Variants in RBFOX3 observed in about 807,000 individuals in gnomAD.
RBFOX3 encodes the protein RNA binding fox-1 homolog 3.
In RBFOX3, 17 loss-of-function variants were observed where a neutral mutation model predicts 48.7. That is an observed-to-expected ratio of 0.35 (90% CI 0.24 to 0.52). The LOEUF is 0.52. RBFOX3 is among the 20% of genes least tolerant of loss of function. RBFOX3 has a pLI of 0.94. For missense variants in RBFOX3, 382 were observed against 497.5 expected, an observed-to-expected ratio of 0.77 and a Z score of 2.21; for synonymous variants, 212 against 209.5, an observed-to-expected ratio of 1.01 and a Z score of -0.10.
intron 4 of RBFOX3, among the ~76,000 whole-genome samples, chr17:79,176,178 G>A (rs898153523): frequency 6.6e-6 from 1 of 152,216 alleles, no homozygotes; most frequent in African/African-American, 2.4e-5. Context: ...CCTCTTCTGT[G>A]GATTCCCTGA....
rs2147133403 is a variant in RBFOX3 at position 79,356,315 on chromosome 17, A to T, written c.-174-48491T>A. On this transcript the variant is annotated intron_variant, in intron 2 of 14. Transcript: ENST00000693108. Reference sequence around the variant, plus strand: ...GCAATGCCAAGGTACCTCTGCCGTGAGGCACGTACTTTTTCACTTTTAAAA... The same window carrying T: ...GCAATGCCAAGGTACCTCTGCCGTGTGGCACGTACTTTTTCACTTTTAAAA... Among the ~76,000 whole-genome samples the T allele has an allele frequency of 1.5e-5, 2 of 130,162 alleles. 1 individual carries two copies. Among genetic ancestry groups the T allele is most frequent in the East Asian group, 4.9e-4 (2 of 4,120 alleles). The allele number at this position is 130,162 out of a possible 152,430, so 85.4% of individuals were successfully genotyped here. A position where few individuals can be genotyped will look rare whatever the true frequency, so the allele number is the denominator to read the frequency against.
chr17:79,095,646 G>A (rs962112333), intron 12 of RBFOX3, 72 bp from the exon 13 acceptor site: 2 of 1,357,290 alleles, frequency 1.5e-6, no homozygotes, highest in Non-Finnish European at 2.1e-6. Context: ...TGAGTGGGGA[G>A]AGGAGACAGA....
At chr17:79,419,369 A>G (rs1418714030) in intron 2 of RBFOX3, among the ~76,000 whole-genome samples, 1 of 152,186 alleles carries the variant, frequency 6.6e-6, no homozygotes, top group African/African-American at 2.4e-5. Flanking sequence ...AGATGAGCCA[A>G]CGCCTCACCA....
intron 3 of RBFOX3, among the ~76,000 whole-genome samples, chr17:79,297,587 C>T (rs2074603697): frequency 6.6e-6 from 1 of 152,256 alleles, no homozygotes; most frequent in South Asian, 2.1e-4. Context: ...GGAAATCTGG[C>T]CCAGTGCCTG....
chr17:79,096,131 G>C (rs1465120271), intron 12 of RBFOX3, among the ~76,000 whole-genome samples: 1 of 152,240 alleles, frequency 6.6e-6, no homozygotes, highest in African/African-American at 2.4e-5. Context: ...GCCCAGGACT[G>C]AAGGGTGGCT....
intron 3 of RBFOX3, among the ~76,000 whole-genome samples, chr17:79,304,835 A>G (rs2075872128): frequency 1.3e-5 from 2 of 152,168 alleles, no homozygotes; most frequent in South Asian, 2.1e-4. Context: ...GTTGGGTTAT[A>G]TGAGGGAGAG....
intron 2 of RBFOX3, among the ~76,000 whole-genome samples, chr17:79,440,311 T>C (rs1303761119): frequency 3.3e-5 from 5 of 152,182 alleles, no homozygotes; most frequent in Non-Finnish European, 5.9e-5. Context: ...AGGGCATTTT[T>C]GAAAATGGTG....
chr17:79,265,368 C>T (rs950159920), intron 3 of RBFOX3, among the ~76,000 whole-genome samples: 6 of 152,152 alleles, frequency 3.9e-5, no homozygotes, highest in African/African-American at 1.4e-4. Flanking sequence ...TCCCGCTTAA[C>T]GAGGGTTTCA....
rs1253706669 is a variant in RBFOX3 at position 79,093,397 on chromosome 17, C to T, written c.1077+1054G>A. On this transcript the variant is annotated intron_variant, in intron 14 of 14. Coordinates refer to ENST00000693108, the MANE Select transcript of RBFOX3 (RefSeq NM_001350451.2). ...AAAACACAAGAGGGAACCCTCCGTGCGTTAATGAAAGCTTTTAGCTTGCAG... is the reference window on the plus strand; with the variant it reads ...AAAACACAAGAGGGAACCCTCCGTGTGTTAATGAAAGCTTTTAGCTTGCAG... Among the ~76,000 whole-genome samples the T allele has an allele frequency of 2.0e-5, 3 of 152,100 alleles. No homozygotes were observed. The East Asian group carries it at 5.8e-4, about 29-fold the overall frequency.
At chr17:79,245,466 A>G (rs183872700) in intron 3 of RBFOX3, among the ~76,000 whole-genome samples, 2 of 150,378 alleles carry the variant, frequency 1.3e-5, no homozygotes, top group Non-Finnish European at 2.9e-5. Flanking sequence ...AAAGTGTACC[A>G]TTTTAACCAT....
At chr17:79,208,184 C>A (rs1312007995) in intron 4 of RBFOX3, among the ~76,000 whole-genome samples, 1 of 152,178 alleles carries the variant, frequency 6.6e-6, no homozygotes, top group Non-Finnish European at 1.5e-5. Context: ...ATGCTGCTGG[C>A]AGTGCGGGTC....
rs1568150181 is a variant in RBFOX3 at position 79,111,842 on chromosome 17, T to A, written c.222+3652A>T. Among the ~76,000 whole-genome samples the A allele has an allele frequency of 6.6e-6, 1 of 152,350 alleles. No individual in the cohort carries two copies. Among genetic ancestry groups the A allele is most frequent in the East Asian group, 1.9e-4 (1 of 5,170 alleles). ...ACATGCTCCAGATGGTGACCCCTGC[T>A]GGGGAACACAGACCCTGGGGGTGGC... On this transcript the variant is annotated intron_variant, in intron 5 of 14. Coordinates refer to ENST00000693108, the MANE Select transcript of RBFOX3 (RefSeq NM_001350451.2). This position sits in a 1 kb window ranked among gnomAD's most constrained non-coding sequence, Gnocchi z 4.2.
the RBFOX3 span, among the ~76,000 whole-genome samples, chr17:79,621,316 T>G: frequency 6.6e-6 from 1 of 152,126 alleles, no homozygotes; most frequent in Non-Finnish European, 1.5e-5. Flanking sequence ...CACTTTGTAT[T>G]ATCCCAAAGT....
chr17:79,525,109 C>T (rs1373795696), intron 1 of RBFOX3, among the ~76,000 whole-genome samples: 1 of 152,202 alleles, frequency 6.6e-6, no homozygotes, highest in Non-Finnish European at 1.5e-5. Flanking sequence ...GCCCTGTAAA[C>T]CAGAGTTCGG....
chr17:79,204,432 T>C lies in RBFOX3; in HGVS notation c.-34+31334A>G, dbSNP rs1203667319. Among the ~76,000 whole-genome samples the C allele has an allele frequency of 6.6e-6, 1 of 152,200 alleles. No homozygotes were observed. The highest frequency in any genetic ancestry group is 2.4e-5 in the African/African-American group (1 of 41,436). ...TAACTTCTCATGACTCAGGGCTTAATATCCTGGAAAGGACACGCGTACCAG... is the reference window on the plus strand; with the variant it reads ...TAACTTCTCATGACTCAGGGCTTAACATCCTGGAAAGGACACGCGTACCAG... On this transcript the variant is annotated intron_variant, in intron 4 of 14. Coordinates refer to ENST00000693108, the MANE Select transcript of RBFOX3 (RefSeq NM_001350451.2). The surrounding 1 kb of genome is among the most constrained non-coding windows in gnomAD (Gnocchi z 4.5).
At chr17:79,197,142 G>C (rs976266568) in intron 4 of RBFOX3, among the ~76,000 whole-genome samples, 4 of 152,056 alleles carry the variant, frequency 2.6e-5, no homozygotes, top group Non-Finnish European at 4.4e-5. Flanking sequence ...AGGTGCACCA[G>C]TTCCTGTGAG....
intron 6 of RBFOX3, among the ~76,000 whole-genome samples, chr17:79,105,556 T>C (rs1568136947): frequency 6.6e-6 from 1 of 152,122 alleles, no homozygotes; most frequent in Non-Finnish European, 1.5e-5. Flanking sequence ...AGCCCTCCAA[T>C]GAGTCTAGAC....
chr17:79,140,643 C>T (rs761426913), intron 4 of RBFOX3, among the ~76,000 whole-genome samples: 4 of 152,360 alleles, frequency 2.6e-5, no homozygotes, highest in Non-Finnish European at 4.4e-5. Context: ...CCAACCCAGG[C>T]GTGTGCCACA....
chr17:79,620,556 TGTGCACACCCGCGC>T, the RBFOX3 span, among the ~76,000 whole-genome samples: 49 of 130,530 alleles, frequency 3.8e-4, 1 homozygote, highest in South Asian at 1.3e-3. Context: ...CATGCACACA[TGTGCACACCCGCGC>T]GTGCACACAC....
Sources: allele counts gnomAD v4.1 joint callset (sites outside exome capture counted in the v4.1 genomes callset), GRCh38; gene constraint gnomAD v4.1.1; non-coding constraint Gnocchi (gnomAD v3.1); transcripts MANE v1.5; gene names NCBI Gene and HGNC (gene_info 2026-07-23, HGNC 2026-07-21).